Variants in NOP14 observed in about 807,000 individuals in gnomAD.
NOP14 encodes the protein NOP14 nucleolar protein.
Under a neutral mutation model 101.6 loss-of-function variants are expected in NOP14, and 57 were observed. The ratio of observed to expected loss-of-function variants is 0.56; its 90% CI spans 0.45 to 0.70. The LOEUF is 0.70. NOP14 is among the 30% of genes least tolerant of loss of function. The probability of loss-of-function intolerance (pLI) is 0.00; values close to 1 mark genes in which losing one functional copy is unlikely to be tolerated. For synonymous variants in NOP14, 428 were observed against 424.0 expected (o/e 1.01, Z -0.12); for missense variants, 1,134 against 1,075.5 (o/e 1.05, Z -0.76).
At chr4:2,954,266 T>G (rs1043145320) in intron 4 of NOP14, among the ~76,000 whole-genome samples, 158 bp downstream of exon 4, 1 of 152,230 alleles carries the variant, frequency 6.6e-6, no homozygotes, top group African/African-American at 2.4e-5. Flanking sequence ...ATATGCTTTA[T>G]GTGATTTTTA....
chr4:2,960,665 T>G (rs1195249858), intron 1 of NOP14, among the ~76,000 whole-genome samples: 1 of 105,080 alleles, frequency 9.5e-6, no homozygotes, highest in Non-Finnish European at 2.0e-5. Flanking sequence ...CTATATATTA[T>G]TATATTAATA....
rs1470949217 is a variant in NOP14, at chr4:2,960,864, ATAT to A, written c.195+2258_195+2260del. Among the ~76,000 whole-genome samples the A allele has an allele frequency of 2.5e-4, 26 of 103,404 alleles. 4 individuals carry two copies. In the South Asian group the frequency reaches 2.5e-3, roughly 10 times the overall value. 67.8% of individuals were successfully genotyped at this position (103,404 alleles called of 152,430 possible). The stretch of plus-strand genomic sequence containing the variant: ...TTATAATCACATTATCAATATATTA[ATAT>A]TATAATTACATTATTATTATATTAT... On this transcript the variant is annotated intron_variant, in intron 1 of 17. Transcript: ENST00000416614.
Position 2,963,358 on chromosome 4 carries a change from A to C in NOP14, c.-39T>G, listed in dbSNP as rs779516905. ...CTGCGCCCAAGGGCCCGAGACCCGAAGAGAGACAGGCGCGCGCTACCCTAA... is the reference window on the plus strand; with the variant it reads ...CTGCGCCCAAGGGCCCGAGACCCGACGAGAGACAGGCGCGCGCTACCCTAA... On this transcript the variant is annotated 5_prime_UTR_variant, in exon 1 of 18. Coordinates refer to ENST00000416614, the MANE Select transcript of NOP14 (RefSeq NM_001291978.2). The C allele has an allele frequency of 6.6e-7, 1 of 1,512,540 alleles. No individual in the cohort carries two copies. Among genetic ancestry groups the C allele is most frequent in the South Asian group, 1.2e-5 (1 of 81,372 alleles). 93.7% of individuals were successfully genotyped at this position (1,512,540 alleles called of 1,614,324 possible). A position where few individuals can be genotyped will look rare whatever the true frequency, so the allele number is the denominator to read the frequency against.
rs770801827 is a variant in NOP14, at chr4:2,950,055, C to T, written c.1161G>A (p.Glu387=). The change falls in exon 8 of 18, where the codon GAG becomes GAA. Residue 387 remains glutamate, a synonymous_variant. Transcript: ENST00000416614. The part of the protein sequence containing the change: ...DSHLDLESNV[E]SEEENEKPAK... ...CTGGCTTCTCGTTTTCTTCCTCACT[C>T]TCCACGTTGGATTCCAGGTCCAAGT... 1 of 1,614,156 alleles carries T rather than the reference C, an allele frequency of 6.2e-7. No homozygotes were observed. The highest frequency in any genetic ancestry group is 8.5e-7 in the Non-Finnish European group (1 of 1,180,006).
intron 16 of NOP14, 58 bp downstream of exon 16, chr4:2,939,469 G>T: frequency 6.3e-7 from 1 of 1,594,050 alleles, no homozygotes; most frequent in Non-Finnish European, 8.6e-7. Context: ...GACGCCCCCC[G>T]TCAGCTCCCA....
chr4:2,953,484 G>C (rs776620085), intron 5 of NOP14, 27 bp downstream of exon 5: 1 of 1,612,558 alleles, frequency 6.2e-7, no homozygotes, highest in East Asian at 2.2e-5. Context: ...AGTGAGTGAA[G>C]AGTTTGTTTC....
intron 9 of NOP14, 118 bp downstream of exon 9, chr4:2,948,160 G>T (rs965761923): frequency 1.1e-5 from 14 of 1,260,440 alleles, no homozygotes; most frequent in Non-Finnish European, 1.4e-5. Flanking sequence ...CATGTGACGG[G>T]CTGGCCCCAT....
chr4:2,953,088 C>T lies in NOP14; in HGVS notation c.747+423G>A, dbSNP rs540532128. On this transcript the variant is annotated intron_variant, in intron 5 of 17. Transcript: ENST00000416614. ...GCTGGGATCTAGACTTCTCTGAGAACGCAGTTTCTTAAACAAATGCAGCAT... is the reference window on the plus strand; with the variant it reads ...GCTGGGATCTAGACTTCTCTGAGAATGCAGTTTCTTAAACAAATGCAGCAT... Among the ~76,000 whole-genome samples the T allele has an allele frequency of 7.9e-5, 12 of 152,330 alleles. No homozygotes were observed. In the South Asian group the frequency reaches 8.3e-4, roughly 11 times the overall value.
chr4:2,947,998 G>A (rs889548680), intron 9 of NOP14, among the ~76,000 whole-genome samples: 4 of 152,244 alleles, frequency 2.6e-5, no homozygotes, highest in Non-Finnish European at 5.9e-5. Context: ...CGCTGGCTAT[G>A]TGAACCCTAG....
chr4:2,963,378 C>A lies in NOP14; in HGVS notation c.-59G>T, dbSNP rs923998665. The A allele has an allele frequency of 1.8e-5, 26 of 1,455,706 alleles. No homozygotes were observed. In the Admixed American group the frequency reaches 3.4e-4, roughly 19 times the overall value. 90.2% of individuals were successfully genotyped at this position (1,455,706 alleles called of 1,614,324 possible). A position where few individuals can be genotyped will look rare whatever the true frequency, so the allele number is the denominator to read the frequency against. On this transcript the variant is annotated 5_prime_UTR_variant, in exon 1 of 18. Transcript: ENST00000416614. ...CCCGAAGAGAGACAGGCGCGCGCTACCCTAAGACACGTGCCGGGCCGCGGA... is the reference window on the plus strand; with the variant it reads ...CCCGAAGAGAGACAGGCGCGCGCTAACCTAAGACACGTGCCGGGCCGCGGA...
chr4:2,942,416 G>A (rs1238284271), intron 13 of NOP14, 65 bp from the exon 14 acceptor site: 9 of 1,519,592 alleles, frequency 5.9e-6, no homozygotes, highest in East Asian at 4.6e-5. Flanking sequence ...CAGGCTCTGC[G>A]GCACCGAGCC....
intron 3 of NOP14, 52 bp downstream of exon 3, chr4:2,956,618 G>A: frequency 6.5e-7 from 1 of 1,543,488 alleles, no homozygotes; most frequent in Non-Finnish European, 8.7e-7. Flanking sequence ...ACAATGAACA[G>A]ACTCTCCCTG....
At chr4:2,961,189 A>ATATTAATAT (rs1443209444) in intron 1 of NOP14, among the ~76,000 whole-genome samples, 11 of 6,446 alleles carry the variant, frequency 1.7e-3, no homozygotes, top group African/African-American at 3.0e-3. Context: ...ATATATTAAT[A>ATATTAATAT]TGCTAATATT....
intron 2 of NOP14, 95 bp from the exon 3 acceptor site, chr4:2,956,906 TG>T: frequency 9.1e-7 from 1 of 1,103,226 alleles, no homozygotes; most frequent in Non-Finnish European, 1.3e-6. Context: ...CCATTATATT[TG>T]AAATATGACA....
chr4:2,956,401 T>G (rs540675394), intron 3 of NOP14, among the ~76,000 whole-genome samples: 1 of 152,160 alleles, frequency 6.6e-6, no homozygotes, highest in Admixed American at 6.5e-5. Context: ...ACGAGCTATT[T>G]TGAGGTTCAA....
At chr4:2,959,522 A>G (rs542515703) in intron 1 of NOP14, among the ~76,000 whole-genome samples, 97 of 152,208 alleles carry the variant, frequency 6.4e-4, no homozygotes, top group South Asian at 4.6e-3. Flanking sequence ...GAACCCGGGA[A>G]GTGGAGCTTG....
Position 2,938,918 on chromosome 4 carries a change from T to C in NOP14, c.2487A>G (p.Arg829=), listed in dbSNP as rs1361792691. 6.2e-7 allele frequency: 1 copy of C among 1,614,092 alleles called. No individual in the cohort carries two copies. The highest frequency in any genetic ancestry group is 8.5e-7 in the Non-Finnish European group (1 of 1,179,936). The change falls in exon 18 of 18, where the codon AGA becomes AGG. Residue 829 remains arginine (R), a synonymous_variant. Coordinates refer to ENST00000416614, the MANE Select transcript of NOP14 (RefSeq NM_001291978.2). ...LSEIMERDAE[R]KRKVKQLFNS... Reference sequence around the variant, plus strand: ...TAAAAAGCTGCTTTACTTTCCGCTTTCTTTCCGCATCCCTAAAAGAAACAA... The same window carrying C: ...TAAAAAGCTGCTTTACTTTCCGCTTCCTTTCCGCATCCCTAAAAGAAACAA...
chr4:2,938,140 C>T lies in NOP14; in HGVS notation c.*691G>A. 8 of 1,215,172 alleles carry T rather than the reference C, an allele frequency of 6.6e-6. No homozygotes were observed. Among genetic ancestry groups the T allele is most frequent in the Non-Finnish European group, 7.5e-6 (7 of 928,408 alleles). The allele number at this position is 1,215,172 out of a possible 1,614,324, so 75.3% of individuals were successfully genotyped here. A position where few individuals can be genotyped will look rare whatever the true frequency, so the allele number is the denominator to read the frequency against. On this transcript the variant is annotated 3_prime_UTR_variant, in exon 18 of 18. Transcript: ENST00000416614. The stretch of plus-strand genomic sequence containing the variant: ...CATTTCAGGATTCATTCTATTTCAT[C>T]AGGTGACGTTTTAACAGAAACAAAA...
chr4:2,960,968 AATATTATATTAATATT>A (rs1475746389), intron 1 of NOP14, among the ~76,000 whole-genome samples: 3 of 59,296 alleles, frequency 5.1e-5, no homozygotes, highest in Non-Finnish European at 8.8e-5. Context: ...ATATTATATC[AATATTATATTAATATT>A]ATATCGATAT....
Sources: allele counts gnomAD v4.1 joint callset (sites outside exome capture counted in the v4.1 genomes callset), GRCh38; gene constraint gnomAD v4.1.1; transcripts MANE v1.5; gene names NCBI Gene and HGNC (gene_info 2026-07-23, HGNC 2026-07-21).